The following RAB8B variants were observed in gnomAD, a reference collection of about 807,000 sequenced individuals.
RAB8B encodes RAB8B, member RAS oncogene family.
In RAB8B, 11 loss-of-function variants were observed where a neutral mutation model predicts 32.0. The ratio of observed to expected loss-of-function variants is 0.34; its 90% CI spans 0.22 to 0.57. The LOEUF (loss-of-function observed/expected upper bound fraction) is 0.57, where lower values mean the gene tolerates loss of function less well. RAB8B is among the 20% of genes least tolerant of loss of function. The pLI is 0.86. For synonymous variants in RAB8B, 103 were observed against 89.6 expected (o/e 1.15, Z -0.85); for missense variants, 190 against 258.5 (o/e 0.73, Z 1.82).
chr15:63,234,971 T>C (rs1386751825), intron 1 of RAB8B, among the ~76,000 whole-genome samples: 1 of 152,122 alleles, frequency 6.6e-6, no homozygotes, highest in East Asian at 1.9e-4. Flanking sequence ...CCAAACCCCC[T>C]GCTTGAAATC....
chr15:63,216,227 AATT>A (rs1300456747), intron 1 of RAB8B, among the ~76,000 whole-genome samples: 2 of 104,680 alleles, frequency 1.9e-5, no homozygotes, highest in Non-Finnish European at 4.0e-5. Context: ...TTAATTAATT[AATT>A]ATTATTTTTT....
rs146099365 is a variant in RAB8B, at chr15:63,249,291, A to G, written c.186-354A>G. Reference sequence around the variant, plus strand: ...TCATTAAGCACTTACAAAAAGGATTATAACTATCTCGGGGAGTCGAAGAAT... The same window carrying G: ...TCATTAAGCACTTACAAAAAGGATTGTAACTATCTCGGGGAGTCGAAGAAT... On this transcript the variant is annotated intron_variant, in intron 2 of 7. Transcript: ENST00000321437. Among the ~76,000 whole-genome samples, 292 of 152,376 alleles carry G rather than the reference A, an allele frequency of 1.9e-3. 4 individuals carry two copies. The highest frequency in any genetic ancestry group is 0.011 in the Admixed American group (165 of 15,312).
At chr15:63,227,671 AT>A (rs759554730) in intron 1 of RAB8B, among the ~76,000 whole-genome samples, 1 of 152,162 alleles carries the variant, frequency 6.6e-6, no homozygotes, top group Non-Finnish European at 1.5e-5. Context: ...GAACCCCTGG[AT>A]TTGTTTTTAA....
chr15:63,260,582 G>A (rs1386881749), intron 6 of RAB8B, among the ~76,000 whole-genome samples: 3 of 152,112 alleles, frequency 2.0e-5, no homozygotes, highest in Middle Eastern at 6.8e-3. Context: ...AATACCTAAC[G>A]TAGATGACTG....
intron 1 of RAB8B, among the ~76,000 whole-genome samples, chr15:63,216,436 C>T (rs1403069137): frequency 6.6e-6 from 1 of 151,602 alleles, no homozygotes. Flanking sequence ...ACCATGTTGT[C>T]CAGGTTGGTC....
At chr15:63,228,760 C>T (rs552988039) in intron 1 of RAB8B, among the ~76,000 whole-genome samples, 2 of 152,252 alleles carry the variant, frequency 1.3e-5, no homozygotes, top group Admixed American at 1.3e-4. Flanking sequence ...CAAGATTATA[C>T]TAAATGCTAA....
intron 1 of RAB8B, among the ~76,000 whole-genome samples, chr15:63,206,576 G>T (rs1567009627): frequency 6.6e-6 from 1 of 152,084 alleles, no homozygotes; most frequent in Non-Finnish European, 1.5e-5. Flanking sequence ...TATGCTTGAT[G>T]TAATAATACC....
At chr15:63,246,131 C>A (rs1370653333) in intron 2 of RAB8B, among the ~76,000 whole-genome samples, 1 of 152,182 alleles carries the variant, frequency 6.6e-6, no homozygotes, top group East Asian at 1.9e-4. Context: ...CCTCAGCCTC[C>A]CAAAGTGCTG....
chr15:63,242,069 A>G (rs894187313), intron 1 of RAB8B, among the ~76,000 whole-genome samples: 19 of 150,818 alleles, frequency 1.3e-4, no homozygotes, highest in African/African-American at 4.6e-4. Flanking sequence ...GGTTTTTGCC[A>G]TTCTTAATGG....
intron 3 of RAB8B, among the ~76,000 whole-genome samples, chr15:63,252,084 T>C (rs1275651355): frequency 6.6e-6 from 1 of 151,892 alleles, no homozygotes; most frequent in Non-Finnish European, 1.5e-5. Flanking sequence ...CAACACCATC[T>C]TCTGAATTCT....
chr15:63,212,047 G>C (rs903189237), intron 1 of RAB8B, among the ~76,000 whole-genome samples: 15 of 151,996 alleles, frequency 9.9e-5, no homozygotes, highest in Non-Finnish European at 2.1e-4. Context: ...TGCCTGGGCT[G>C]GTCTTGAACT....
chr15:63,197,367 T>TTCTTTCTC (rs2037610550), intron 1 of RAB8B, among the ~76,000 whole-genome samples: 1 of 136,480 alleles, frequency 7.3e-6, no homozygotes, highest in African/African-American at 2.8e-5. Context: ...CTTTCTTTCT[T>TTCTTTCTC]TTCTTTTTTT....
intron 1 of RAB8B, among the ~76,000 whole-genome samples, chr15:63,209,871 G>A (rs1164686193): frequency 1.3e-5 from 2 of 151,906 alleles, no homozygotes; most frequent in East Asian, 3.9e-4. Flanking sequence ...ATCTACATTA[G>A]GTATTTCTCC....
intron 1 of RAB8B, among the ~76,000 whole-genome samples, chr15:63,199,465 T>G (rs2037629949): frequency 6.6e-6 from 1 of 152,178 alleles, no homozygotes; most frequent in Non-Finnish European, 1.5e-5. Context: ...CATTCCCTAT[T>G]TTGTCTACAT....
rs1241767585 is a variant in RAB8B at position 63,266,198 on chromosome 15, T to C, written c.*2579T>C. ...AGGTACATGAAGATTTTTGCAGCAG[T>C]ATTAGTGGTTCAGTGGCTGCACTTT... On this transcript the variant is annotated 3_prime_UTR_variant, in exon 8 of 8. Coordinates refer to ENST00000321437, the MANE Select transcript of RAB8B (RefSeq NM_016530.3). 1 of 152,602 alleles carries C rather than the reference T, an allele frequency of 6.6e-6. No homozygotes were observed. The highest frequency in any genetic ancestry group is 1.5e-5 in the Non-Finnish European group (1 of 68,002). 9.5% of individuals were successfully genotyped at this position (152,602 alleles called of 1,614,324 possible). A position where few individuals can be genotyped will look rare whatever the true frequency, so the allele number is the denominator to read the frequency against.
chr15:63,222,385 G>A (rs970791066), intron 1 of RAB8B, among the ~76,000 whole-genome samples: 5 of 152,110 alleles, frequency 3.3e-5, no homozygotes, highest in Non-Finnish European at 7.3e-5. Context: ...CCCCAATATG[G>A]TTTGCAGCAA....
At chr15:63,207,227 G>C (rs1012873894) in intron 1 of RAB8B, among the ~76,000 whole-genome samples, 1 of 152,078 alleles carries the variant, frequency 6.6e-6, no homozygotes, top group Non-Finnish European at 1.5e-5. Context: ...TGTAAACTCC[G>C]CGAGTGCACA....
chr15:63,241,271 C>T (rs2038029626), intron 1 of RAB8B, among the ~76,000 whole-genome samples: 1 of 152,168 alleles, frequency 6.6e-6, no homozygotes, highest in Non-Finnish European at 1.5e-5. Context: ...ATCGCTTGAA[C>T]CCAAGAGGCG....
At chr15:63,197,177 A>T (rs1022535719) in intron 1 of RAB8B, among the ~76,000 whole-genome samples, 41 of 151,734 alleles carry the variant, frequency 2.7e-4, no homozygotes, top group African/African-American at 9.7e-4. Flanking sequence ...TTATATAAAT[A>T]TTTTTATATA....
Sources: allele counts gnomAD v4.1 joint callset (sites outside exome capture counted in the v4.1 genomes callset), GRCh38; gene constraint gnomAD v4.1.1; transcripts MANE v1.5; gene names NCBI Gene and HGNC (gene_info 2026-07-23, HGNC 2026-07-21).